Variants in CYP4A11 observed in about 807,000 individuals in gnomAD.
The protein encoded by CYP4A11 is cytochrome P450 family 4 subfamily A member 11.
In CYP4A11, 52 loss-of-function variants were observed where a neutral mutation model predicts 57.7. That is an observed-to-expected ratio of 0.90 (90% CI 0.72 to 1.14). The LOEUF (loss-of-function observed/expected upper bound fraction) is 1.14, where lower values mean the gene tolerates loss of function less well. Among genes scored for constraint, CYP4A11 ranks in the 50% most tolerant of loss-of-function variants. The pLI, the probability that CYP4A11 is intolerant of heterozygous loss-of-function variation, is 0.00. For synonymous variants in CYP4A11, 228 were observed against 247.1 expected, an observed-to-expected ratio of 0.92 and a Z score of 0.72; for missense variants, 641 against 642.1, an observed-to-expected ratio of 1.00 and a Z score of 0.02.
chr1:46,931,258 T>C (rs4233506), intron 11 of CYP4A11, among the ~76,000 whole-genome samples: 99,559 of 151,970 alleles, frequency 0.66, 34,633 homozygotes, highest in Non-Finnish European at 0.79. Flanking sequence ...CCCTGCCAGC[T>C]GGGCCTCTCC....
At chr1:46,939,783 A>G (rs1309547226) in intron 1 of CYP4A11, among the ~76,000 whole-genome samples, 2 of 145,944 alleles carry the variant, frequency 1.4e-5, no homozygotes, top group East Asian at 2.1e-4. Flanking sequence ...GCATAGTGTG[A>G]TCAGAGACCT....
chr1:46,940,319 A>C (rs1681675260), intron 1 of CYP4A11, among the ~76,000 whole-genome samples: 1 of 152,216 alleles, frequency 6.6e-6, no homozygotes, highest in African/African-American at 2.4e-5. Flanking sequence ...GTTTTAAGAA[A>C]GTTTACGAAT....
intron 2 of CYP4A11, among the ~76,000 whole-genome samples, chr1:46,937,665 C>G (rs1414519689): frequency 6.6e-6 from 1 of 152,186 alleles, no homozygotes; most frequent in Non-Finnish European, 1.5e-5. Context: ...CTGACCAAGA[C>G]AGGCAACAAT....
intron 11 of CYP4A11, 85 bp from the exon 12 acceptor site, chr1:46,930,395 T>C (rs1389219994): frequency 4.1e-6 from 6 of 1,464,546 alleles, no homozygotes; most frequent in Non-Finnish European, 5.5e-6. Flanking sequence ...ACCCCAGCCC[T>C]GAGCTGGACA....
chr1:46,937,237 G>A, intron 3 of CYP4A11, 65 bp downstream of exon 3: 1 of 1,568,488 alleles, frequency 6.4e-7, no homozygotes, highest in Non-Finnish European at 8.8e-7. Context: ...GTTGTTCTCT[G>A]TGAGCCAAAT....
intron 1 of CYP4A11, among the ~76,000 whole-genome samples, chr1:46,938,692 G>T (rs541995483): frequency 2.0e-5 from 3 of 152,322 alleles, no homozygotes; most frequent in Non-Finnish European, 4.4e-5. Context: ...AGATTTATGG[G>T]ATGGAGTCTG....
At position 46,932,970 on chromosome 1, in the gene CYP4A11, A is replaced by G; in HGVS notation, c.1287+13T>C. The stretch of plus-strand genomic sequence containing the variant: ...AGGGATCACCTCATTTCCTCCTCTC[A>G]AGGACCACATACCTCTGGGTTGGGC... On this transcript the variant is annotated intron_variant, in intron 10 of 11. Coordinates refer to ENST00000310638, the MANE Select transcript of CYP4A11 (RefSeq NM_000778.4). 6.2e-7 allele frequency: 1 copy of G among 1,614,206 alleles called. No individual in the cohort carries two copies. The highest frequency in any genetic ancestry group is 8.5e-7 in the Non-Finnish European group (1 of 1,180,034).
intron 3 of CYP4A11, 106 bp from the exon 4 acceptor site, chr1:46,936,897 G>A (rs1340702591): frequency 5.4e-6 from 8 of 1,469,744 alleles, no homozygotes; most frequent in African/African-American, 2.8e-5. Flanking sequence ...AGGGAGAAAG[G>A]TGGCTTCTCA....
Position 46,936,711 on chromosome 1 carries a change from G to A in CYP4A11, c.463C>T (p.Leu155=). 6.2e-7 allele frequency: 1 copy of A among 1,613,932 alleles called. No homozygotes were observed. The highest frequency in any genetic ancestry group is 8.5e-7 in the Non-Finnish European group (1 of 1,179,954). Residue 155 remains leucine, a synonymous_variant, in exon 4 of 12, where the codon CTG becomes TTG. Coordinates refer to ENST00000310638, the MANE Select transcript of CYP4A11 (RefSeq NM_000778.4). ...MLTPAFHYDI[L]KPYVGLMADS... Reference sequence around the variant, plus strand: ...GCCATGAGCCCCACATAGGGCTTCAGGATGTCATAGTGGAAGGCTGGGGTC... The same window carrying A: ...GCCATGAGCCCCACATAGGGCTTCAAGATGTCATAGTGGAAGGCTGGGGTC...
At position 46,934,378 on chromosome 1, in the gene CYP4A11, G is replaced by A. The variant is rs191791179; in HGVS notation, c.898-12C>T. On this transcript the variant is annotated splice_polypyrimidine_tract_variant and intron_variant, in intron 7 of 11. Transcript: ENST00000310638. ...CTCCCATTCTCCATCTGGGAAGACC[G>A]TGGTGAAAATGCAGGGCTTGTCTCT... 5.8e-5 allele frequency: 90 copies of A among 1,553,970 alleles called. No homozygotes were observed. Among genetic ancestry groups the A allele is most frequent in the East Asian group, 2.7e-4 (12 of 43,996 alleles).
chr1:46,935,672 T>G (rs1681342639), intron 4 of CYP4A11, 25 bp from the exon 5 acceptor site: 1 of 1,597,416 alleles, frequency 6.3e-7, no homozygotes. Context: ...GGCATGGACC[T>G]TCTTAATCTC....
chr1:46,936,785 C>A lies in CYP4A11; in HGVS notation c.389G>T (p.Gly130Val), dbSNP rs1241859582. ...YRFLAPWIGYGLLLLNGQTWF... is the reference protein window; with the variant it reads ...YRFLAPWIGYVLLLLNGQTWF... ...TGTCTGCCCATTCAACAGGAGCAAG[C>A]CGTACCCTAAGAGAGACATGAATGT... Residue 130 changes from glycine (G) to valine (V), a missense_variant, in exon 4 of 12, where the codon GGC becomes GTC. Physicochemically the swap from Gly to Val is moderately radical, Grantham distance 109. Coordinates refer to ENST00000310638, the MANE Select transcript of CYP4A11 (RefSeq NM_000778.4). 6 of 1,609,426 alleles carry A rather than the reference C, an allele frequency of 3.7e-6. No homozygotes were observed. The East Asian group carries it at 6.7e-5, about 18-fold the overall frequency.
intron 11 of CYP4A11, chr1:46,932,216 G>T: frequency 1.0e-6 from 1 of 993,962 alleles, no homozygotes; most frequent in African/African-American, 1.7e-5. Flanking sequence ...TTTCTTCAAA[G>T]GGCTACCTTA....
chr1:46,940,580 A>G (rs1681690397), intron 1 of CYP4A11: 1 of 758,070 alleles, frequency 1.3e-6, no homozygotes, highest in Non-Finnish European at 1.6e-6. Context: ...TCACCTGGAG[A>G]ACATTGTGCA....
At chr1:46,934,874 AATT>A in intron 6 of CYP4A11, 123 bp downstream of exon 6, 1 of 1,479,350 alleles carries the variant, frequency 6.8e-7, no homozygotes, top group Non-Finnish European at 9.1e-7. Flanking sequence ...TGAGCAAGGG[AATT>A]CCCCAGGCTG....
At chr1:46,933,911 G>T (rs750283694) in intron 9 of CYP4A11, 35 bp downstream of exon 9, 3 of 1,613,030 alleles carry the variant, frequency 1.9e-6, no homozygotes, top group Admixed American at 1.7e-5. Context: ...CGTCCCTGTG[G>T]AGAGTTTAGG....
chr1:46,939,483 T>C (rs1681619834), intron 1 of CYP4A11, among the ~76,000 whole-genome samples: 1 of 152,152 alleles, frequency 6.6e-6, no homozygotes, highest in Non-Finnish European at 1.5e-5. Context: ...AACTCAGAAC[T>C]GAACATTAGA....
chr1:46,934,928 T>C (rs576613673), intron 6 of CYP4A11, 72 bp downstream of exon 6: 1 of 1,568,874 alleles, frequency 6.4e-7, no homozygotes, highest in Admixed American at 1.8e-5. Context: ...GGGCCTTCTC[T>C]GGCTGAGGAG....
In CYP4A11 at chr1:46,932,780, G is replaced by T. The variant is rs544836341; in HGVS notation, c.1345C>A (p.Pro449Thr). The T allele has an allele frequency of 1.9e-6, 3 of 1,614,182 alleles. No individual in the cohort carries two copies. The highest frequency in any genetic ancestry group is 2.2e-5 in the South Asian group (2 of 91,086). ...TCTCACCTTGATCCTCCTGAGAAGGGCAGGAAAGCGTGGCTGTGTTGAGCA... is the reference window on the plus strand; with the variant it reads ...TCTCACCTTGATCCTCCTGAGAAGGTCAGGAAAGCGTGGCTGTGTTGAGCA... ...GSAQHSHAFL[P>T]FSGGSRNCIG... The change falls in exon 11 of 12, where the codon CCC (proline) becomes ACC (threonine). Residue 449 changes from proline (P) to threonine (T), a missense_variant. Pro to Thr is a conservative substitution (Grantham distance 38). Coordinates refer to ENST00000310638, the MANE Select transcript of CYP4A11 (RefSeq NM_000778.4).
Sources: gnomAD v4.1 joint callset for allele counts (sites outside exome capture counted in the v4.1 genomes callset) on GRCh38, gnomAD v4.1.1 for gene constraint, MANE v1.5 for transcripts, NCBI Gene and HGNC (gene_info 2026-07-23, HGNC 2026-07-21) for gene names.